GALNT17: variants seen among roughly 807,000 people sequenced by gnomAD.
GALNT17 encodes polypeptide N-acetylgalactosaminyltransferase 17, also known as UDP-GalNAc:polypeptide N-acetylgalactosaminyltransferase-like 3.
GALNT17 carries 29 observed loss-of-function variants against 63.7 expected under a neutral mutation model. The observed-to-expected ratio is 0.46, with a 90% CI of 0.34 to 0.62. GALNT17 has a LOEUF of 0.62. GALNT17 is among the 20% of genes least tolerant of loss of function. The probability of loss-of-function intolerance (pLI) is 0.01; values close to 1 mark genes in which losing one functional copy is unlikely to be tolerated. For synonymous variants in GALNT17, 305 were observed against 318.3 expected (o/e 0.96, Z 0.45); for missense variants, 603 against 799.6 (o/e 0.75, Z 2.97).
chr7:71,577,858 C>CAGAT (rs1186777895), intron 6 of GALNT17, among the ~76,000 whole-genome samples: 1 of 151,932 alleles, frequency 6.6e-6, no homozygotes, highest in East Asian at 1.9e-4. Context: ...GAACTCCTGC[C>CAGAT]ATCTTGTCTA....
At chr7:71,550,654 G>T (rs551644205) in intron 5 of GALNT17, among the ~76,000 whole-genome samples, 1 of 152,066 alleles carries the variant, frequency 6.6e-6, no homozygotes, top group Non-Finnish European at 1.5e-5. Flanking sequence ...GTGCTGGTGG[G>T]ATTACAGACG....
At chr7:71,521,445 C>G (rs967299468) in intron 5 of GALNT17, among the ~76,000 whole-genome samples, 2 of 152,212 alleles carry the variant, frequency 1.3e-5, no homozygotes, top group Admixed American at 1.3e-4. Flanking sequence ...AAAAGATTTG[C>G]AGAACCTGCC....
At chr7:71,145,856 C>T (rs1039184120) in intron 1 of GALNT17, among the ~76,000 whole-genome samples, 9 of 152,112 alleles carry the variant, frequency 5.9e-5, no homozygotes, top group Admixed American at 5.2e-4. Context: ...CAGGCGGCCG[C>T]CACCACACCC....
At chr7:71,286,015 C>T (rs145891881) in intron 1 of GALNT17, among the ~76,000 whole-genome samples, 1,970 of 152,256 alleles carry the variant, frequency 0.013, 19 homozygotes, top group Non-Finnish European at 0.02. Context: ...ACCTAAATTC[C>T]GCAAAGCCAA....
Position 71,428,315 on chromosome 7 carries a change from T to G in GALNT17, c.962+7210T>G, listed in dbSNP as rs190010194. On this transcript the variant is annotated intron_variant, in intron 5 of 10. Coordinates refer to ENST00000333538, the MANE Select transcript of GALNT17 (RefSeq NM_022479.3). ...TTCTGTCTCTATGGATTTGCCTATT[T>G]TGGACATTTCATATAAGTGGAGTCC... 2.5e-4 allele frequency among the ~76,000 whole-genome samples: 38 copies of G among 152,284 alleles called. 4 individuals carry two copies. The East Asian group carries it at 2.9e-3, about 12-fold the overall frequency.
chr7:71,245,504 A>G (rs1409697275), intron 1 of GALNT17, among the ~76,000 whole-genome samples: 60 of 152,284 alleles, frequency 3.9e-4, no homozygotes, highest in Admixed American at 3.9e-3. Flanking sequence ...AAATTTGGCC[A>G]TGTCTGGCCA....
At chr7:71,151,726 C>G (rs73361715) in intron 1 of GALNT17, among the ~76,000 whole-genome samples, 2,811 of 151,664 alleles carry the variant, frequency 0.019, 88 homozygotes, top group African/African-American at 0.065. Context: ...CCCTACTTAA[C>G]GCTGCTTCTT....
chr7:71,253,516 C>CT (rs766396594), intron 1 of GALNT17, among the ~76,000 whole-genome samples: 4,266 of 141,882 alleles, frequency 0.03, 185 homozygotes, highest in African/African-American at 0.099. Context: ...CCTACTCTTC[C>CT]TTTTTTTTTT....
chr7:71,153,683 G>T (rs995120130), intron 1 of GALNT17, among the ~76,000 whole-genome samples: 1 of 152,042 alleles, frequency 6.6e-6, no homozygotes, highest in Non-Finnish European at 1.5e-5. Context: ...GTGGGAGGCC[G>T]AGGCCGGTGG....
intron 5 of GALNT17, among the ~76,000 whole-genome samples, chr7:71,553,880 C>G (rs1789121525): frequency 6.6e-6 from 1 of 152,238 alleles, no homozygotes; most frequent in Admixed American, 6.5e-5. Context: ...AAAGTTCTCC[C>G]TCTCCCAGCT....
At chr7:71,262,841 C>T (rs1790410884) in intron 1 of GALNT17, among the ~76,000 whole-genome samples, 1 of 151,644 alleles carries the variant, frequency 6.6e-6, no homozygotes, top group African/African-American at 2.4e-5. Flanking sequence ...CCACCAAGCC[C>T]AGCTAATTTT....
At chr7:71,607,814 A>G (rs1790068753) in intron 6 of GALNT17, among the ~76,000 whole-genome samples, 1 of 152,258 alleles carries the variant, frequency 6.6e-6, no homozygotes, top group African/African-American at 2.4e-5. Flanking sequence ...CTTTCTCAAT[A>G]GAGTAAACCA....
intron 3 of GALNT17, among the ~76,000 whole-genome samples, chr7:71,397,525 G>A (rs773060316): frequency 1.3e-5 from 2 of 152,036 alleles, no homozygotes; most frequent in African/African-American, 2.4e-5. Flanking sequence ...ATAAGAATGG[G>A]TGCTATACTC....
chr7:71,245,848 G>GTTTTTTTTTTTTTTTTTTTT lies in GALNT17; in HGVS notation c.239-89686_239-89685insTTTTTTTTTTTTTTTTTTTT, dbSNP rs542136452. ...AGGTCTGCAGAGAGCAAGAGAGCAGGTTTTTTTTTTTTTTTTGCAAAGGTA... is the reference window on the plus strand; with the variant it reads ...AGGTCTGCAGAGAGCAAGAGAGCAGGTTTTTTTTTTTTTTTTTTTTTTTTTTTTTTTTTTTTGCAAAGGTA... On this transcript the variant is annotated intron_variant, in intron 1 of 10. Coordinates refer to ENST00000333538, the MANE Select transcript of GALNT17 (RefSeq NM_022479.3). 1.1e-4 allele frequency among the ~76,000 whole-genome samples: 13 copies of GTTTTTTTTTTTTTTTTTTTT among 122,886 alleles called. 1 individual carries two copies. The highest frequency in any genetic ancestry group is 2.7e-4 in the South Asian group (1 of 3,686). The allele number at this position is 122,886 out of a possible 152,430, so 80.6% of individuals were successfully genotyped here. A position where few individuals can be genotyped will look rare whatever the true frequency, so the allele number is the denominator to read the frequency against.
At chr7:71,178,284 T>G (rs1282556538) in intron 1 of GALNT17, among the ~76,000 whole-genome samples, 1 of 152,200 alleles carries the variant, frequency 6.6e-6, no homozygotes, top group African/African-American at 2.4e-5. Context: ...ATCATTTGTA[T>G]TATTGTTCCC....
intron 1 of GALNT17, among the ~76,000 whole-genome samples, chr7:71,160,452 T>C (rs1288925339): frequency 4.6e-5 from 7 of 152,136 alleles, no homozygotes; most frequent in Non-Finnish European, 1.0e-4. Context: ...TTATAAACAA[T>C]GGTGTGATGA....
chr7:71,271,960 T>C (rs1394190739), intron 1 of GALNT17, among the ~76,000 whole-genome samples: 1 of 152,202 alleles, frequency 6.6e-6, no homozygotes, highest in Non-Finnish European at 1.5e-5. Context: ...GGTCTCCCTA[T>C]GTTGGCCAGG....
intron 5 of GALNT17, among the ~76,000 whole-genome samples, chr7:71,537,846 G>A (rs1788825277): frequency 6.6e-6 from 1 of 152,044 alleles, no homozygotes; most frequent in Non-Finnish European, 1.5e-5. Flanking sequence ...AAGTTGAAGA[G>A]AAAAAGACAC....
intron 2 of GALNT17, among the ~76,000 whole-genome samples, chr7:71,343,844 A>T (rs1362222109): frequency 6.6e-6 from 1 of 151,682 alleles, no homozygotes; most frequent in Non-Finnish European, 1.5e-5. Context: ...GAGGTGCTAA[A>T]TATATTACAT....
Sources: gnomAD v4.1 joint callset for allele counts (sites outside exome capture counted in the v4.1 genomes callset) on GRCh38, gnomAD v4.1.1 for gene constraint, MANE v1.5 for transcripts, NCBI Gene and HGNC (gene_info 2026-07-23, HGNC 2026-07-21) for gene names.